RSU1: variants seen among roughly 807,000 people sequenced by gnomAD.
The protein encoded by RSU1 is rsu-1.
Under a neutral mutation model 31.1 loss-of-function variants are expected in RSU1, and 26 were observed. That is an observed-to-expected ratio of 0.84 (90% confidence interval 0.61 to 1.16). The LOEUF is 1.16. Ranked by LOEUF, RSU1 falls within the 50% of genes most tolerant of loss-of-function variation. RSU1 has a pLI of 0.00. For missense variants in RSU1, 320 were observed against 339.1 expected (o/e 0.94, Z 0.44); for synonymous variants, 164 against 136.3 (o/e 1.20, Z -1.41).
chr10:16,693,364 G>T (rs1230513298), intron 8 of RSU1, among the ~76,000 whole-genome samples: 1 of 152,024 alleles, frequency 6.6e-6, no homozygotes, highest in Non-Finnish European at 1.5e-5. Flanking sequence ...CAAGACTGCA[G>T]AAATGCAGCC....
At chr10:16,684,390 G>A (rs1442655512) in intron 8 of RSU1, among the ~76,000 whole-genome samples, 1 of 152,120 alleles carries the variant, frequency 6.6e-6, no homozygotes, top group African/African-American at 2.4e-5. Flanking sequence ...ATTTTGGCAA[G>A]ATAAAAAAAC....
rs771114539 is a variant in RSU1 at position 16,764,445 on chromosome 10, C to G, written c.226G>C (p.Glu76Gln). Residue 76 changes from glutamate to glutamine, a missense_variant, in exon 4 of 9, where the codon GAG becomes CAG. Glu to Gln is a conservative substitution (Grantham distance 29). Transcript: ENST00000345264. ...CTACTGATCTGTGTGGGCAGCTCCTCGATTTGGTTATTAAAAAAGTTGAGC... is the reference window on the plus strand; with the variant it reads ...CTACTGATCTGTGTGGGCAGCTCCTGGATTTGGTTATTAAAAAAGTTGAGC... ...EVLNFFNNQI[E>Q]ELPTQISSLQ... is the part of the protein sequence containing the mutation. 6.2e-7 allele frequency: 1 copy of G among 1,613,808 alleles called. No individual in the cohort carries two copies. The highest frequency in any genetic ancestry group is 8.5e-7 in the Non-Finnish European group (1 of 1,179,972).
intron 8 of RSU1, among the ~76,000 whole-genome samples, chr10:16,633,364 G>A (rs1429531579): frequency 6.6e-6 from 1 of 152,104 alleles, no homozygotes; most frequent in Non-Finnish European, 1.5e-5. Flanking sequence ...AGGGTATGAT[G>A]GCCCCTGGGT....
At chr10:16,782,346 G>C (rs1837671470) in intron 2 of RSU1, among the ~76,000 whole-genome samples, 1 of 152,178 alleles carries the variant, frequency 6.6e-6, no homozygotes, top group Admixed American at 6.5e-5. Flanking sequence ...CATGACGAGG[G>C]CCAGTTAGCT....
chr10:16,726,353 A>T (rs1410237136), intron 7 of RSU1, among the ~76,000 whole-genome samples: 2 of 147,202 alleles, frequency 1.4e-5, no homozygotes. Flanking sequence ...CTACAACCTC[A>T]GCCTCCCAGG....
At chr10:16,764,295 G>C (rs1334248052) in intron 4 of RSU1, 95 bp downstream of exon 4, 4 of 1,321,522 alleles carry the variant, frequency 3.0e-6, no homozygotes, top group African/African-American at 3.0e-5. Flanking sequence ...ATCCATTTCT[G>C]TGCAATAATA....
At chr10:16,720,124 C>T (rs942674054) in intron 7 of RSU1, among the ~76,000 whole-genome samples, 7 of 152,146 alleles carry the variant, frequency 4.6e-5, no homozygotes, top group African/African-American at 1.4e-4. Context: ...CTTTCCTTCC[C>T]GCAACTCTTT....
chr10:16,625,691 C>T (rs1475427095), intron 8 of RSU1, among the ~76,000 whole-genome samples: 1 of 152,180 alleles, frequency 6.6e-6, no homozygotes, highest in African/African-American at 2.4e-5. Context: ...CCTTACTTAT[C>T]AGGTAATGAG....
chr10:16,784,193 C>T (rs959473534), intron 2 of RSU1, among the ~76,000 whole-genome samples: 2 of 151,918 alleles, frequency 1.3e-5, no homozygotes, highest in South Asian at 2.1e-4. Flanking sequence ...GCAATCCCCC[C>T]ACCTCAGACT....
At chr10:16,800,767 T>C (rs1239523249) in intron 2 of RSU1, among the ~76,000 whole-genome samples, 3 of 152,196 alleles carry the variant, frequency 2.0e-5, no homozygotes, top group African/African-American at 7.2e-5. Flanking sequence ...TTAAGATTAA[T>C]TGTAAATGTA....
At chr10:16,691,168 A>T (rs1286544680) in intron 8 of RSU1, among the ~76,000 whole-genome samples, 1 of 152,216 alleles carries the variant, frequency 6.6e-6, no homozygotes. Flanking sequence ...AAAGTAGCCA[A>T]ATACCTGCTA....
intron 8 of RSU1, among the ~76,000 whole-genome samples, chr10:16,604,210 TA>T (rs2131460945): frequency 6.6e-6 from 1 of 152,170 alleles, no homozygotes; most frequent in Non-Finnish European, 1.5e-5. Context: ...GGGTGTTAAG[TA>T]ATAAAAATCA....
intron 8 of RSU1, among the ~76,000 whole-genome samples, chr10:16,674,639 G>A (rs1293419102): frequency 6.6e-6 from 1 of 152,056 alleles, no homozygotes; most frequent in Non-Finnish European, 1.5e-5. Context: ...GGTGGGCGAT[G>A]GGGTCCACTT....
chr10:16,742,704 C>A (rs1836777335), intron 7 of RSU1, among the ~76,000 whole-genome samples: 1 of 152,080 alleles, frequency 6.6e-6, no homozygotes, highest in Non-Finnish European at 1.5e-5. Context: ...AAAGGAAGTC[C>A]ACTGCACACA....
chr10:16,697,652 A>C (rs1056099603), intron 7 of RSU1, among the ~76,000 whole-genome samples: 27 of 151,094 alleles, frequency 1.8e-4, no homozygotes, highest in Non-Finnish European at 1.6e-4. Context: ...TAACAGAGCA[A>C]GACTGTCTTA....
At chr10:16,768,584 C>T (rs1452751951) in intron 3 of RSU1, among the ~76,000 whole-genome samples, 1 of 152,180 alleles carries the variant, frequency 6.6e-6, no homozygotes, top group East Asian at 1.9e-4. Context: ...ATCCCAGAGC[C>T]TCTGCTGTTT....
chr10:16,598,618 C>A (rs2131454828), intron 8 of RSU1, among the ~76,000 whole-genome samples: 1 of 152,284 alleles, frequency 6.6e-6, no homozygotes, highest in South Asian at 2.1e-4. Context: ...ACACTGCAGT[C>A]TCTGAAGATG....
intron 7 of RSU1, among the ~76,000 whole-genome samples, chr10:16,740,145 AC>A (rs756338963): frequency 8.5e-5 from 13 of 152,210 alleles, no homozygotes; most frequent in Non-Finnish European, 1.8e-4. Context: ...ATACAAAGAT[AC>A]TATAATACCA....
intron 8 of RSU1, among the ~76,000 whole-genome samples, chr10:16,649,482 A>T (rs997448896): frequency 6.6e-6 from 1 of 152,240 alleles, no homozygotes; most frequent in African/African-American, 2.4e-5. Flanking sequence ...AAAAAAGACA[A>T]AAGCAAATAA....
Sources: allele counts gnomAD v4.1 joint callset (sites outside exome capture counted in the v4.1 genomes callset), GRCh38; gene constraint gnomAD v4.1.1; transcripts MANE v1.5; gene names NCBI Gene and HGNC (gene_info 2026-07-23, HGNC 2026-07-21).